Variants in ADGRA3 observed in about 807,000 individuals in gnomAD.
ADGRA3 encodes the protein adhesion G protein-coupled receptor A3, also known as G-protein coupled receptor 125.
ADGRA3 carries 56 observed loss-of-function variants against 119.8 expected under a neutral mutation model. That is an observed-to-expected ratio of 0.47 (90% CI 0.38 to 0.58). ADGRA3 has a LOEUF of 0.58. Among genes scored for constraint, ADGRA3 ranks in the 20% least tolerant of loss-of-function variants. The probability of loss-of-function intolerance (pLI) is 0.00; values close to 1 mark genes in which losing one functional copy is unlikely to be tolerated. For synonymous variants in ADGRA3, 607 were observed against 623.8 expected, an observed-to-expected ratio of 0.97 and a Z score of 0.40; for missense variants, 1,516 against 1,649.0, an observed-to-expected ratio of 0.92 and a Z score of 1.40.
intron 10 of ADGRA3, among the ~76,000 whole-genome samples, chr4:22,424,610 G>T (rs1715857977): frequency 6.6e-6 from 1 of 152,152 alleles, no homozygotes; most frequent in African/African-American, 2.4e-5. Flanking sequence ...ACTGCCAGGT[G>T]TTATCTCAAA....
chr4:22,491,001 G>A (rs149063687), intron 1 of ADGRA3, among the ~76,000 whole-genome samples: 1 of 152,258 alleles, frequency 6.6e-6, no homozygotes, highest in Non-Finnish European at 1.5e-5. Flanking sequence ...ATGGATCAAG[G>A]GAGGGAGGGA....
intron 7 of ADGRA3, among the ~76,000 whole-genome samples, chr4:22,439,564 G>A (rs1423283165): frequency 3.3e-5 from 5 of 152,068 alleles, no homozygotes; most frequent in East Asian, 1.9e-4. Context: ...AATCATTGAC[G>A]GCTACAGCAA....
chr4:22,493,931 G>A (rs891198891), intron 1 of ADGRA3, among the ~76,000 whole-genome samples: 12 of 152,044 alleles, frequency 7.9e-5, no homozygotes, highest in African/African-American at 1.4e-4. Flanking sequence ...TGGGCCAGGC[G>A]CGGTGGCTCA....
At chr4:22,477,164 C>G (rs964781726) in intron 1 of ADGRA3, among the ~76,000 whole-genome samples, 1 of 152,036 alleles carries the variant, frequency 6.6e-6, no homozygotes, top group Non-Finnish European at 1.5e-5. Context: ...GATTAAAGAG[C>G]CACATTTATT....
At chr4:22,508,375 T>C (rs953738117) in intron 1 of ADGRA3, among the ~76,000 whole-genome samples, 6 of 152,188 alleles carry the variant, frequency 3.9e-5, no homozygotes, top group African/African-American at 1.2e-4. Context: ...ATGTAGACTT[T>C]GGTGAAGCAA....
intron 1 of ADGRA3, among the ~76,000 whole-genome samples, chr4:22,479,153 G>A (rs1158360027): frequency 6.6e-6 from 1 of 152,132 alleles, no homozygotes; most frequent in Non-Finnish European, 1.5e-5. Flanking sequence ...TCTCACACCA[G>A]TTAGAATGGT....
At chr4:22,475,032 T>C (rs114571527) in intron 1 of ADGRA3, among the ~76,000 whole-genome samples, 1,943 of 152,330 alleles carry the variant, frequency 0.013, 48 homozygotes, top group African/African-American at 0.044. Flanking sequence ...TGGCATCTGA[T>C]TTTCTTTTAT....
intron 12 of ADGRA3, among the ~76,000 whole-genome samples, chr4:22,417,565 T>A (rs2109029557): frequency 6.6e-6 from 1 of 152,264 alleles, no homozygotes; most frequent in East Asian, 1.9e-4. Flanking sequence ...GTTGCCCACA[T>A]TTGCACAGCT....
chr4:22,454,714 T>A, intron 4 of ADGRA3, 152 bp downstream of exon 4: 2 of 638,258 alleles, frequency 3.1e-6, no homozygotes, highest in Non-Finnish European at 5.6e-6. Flanking sequence ...GGAGATTACA[T>A]CCCCATGATT....
At chr4:22,411,031 G>A (rs914648465) in intron 14 of ADGRA3, among the ~76,000 whole-genome samples, 2 of 152,182 alleles carry the variant, frequency 1.3e-5, no homozygotes, top group African/African-American at 2.4e-5. Context: ...AGAACAGCTA[G>A]GAAGTTCACA....
At chr4:22,395,015 T>C (rs778297054) in intron 16 of ADGRA3, 2 of 152,186 alleles carry the variant, frequency 1.3e-5, no homozygotes, top group Non-Finnish European at 1.5e-5. Flanking sequence ...TTTGTCTACA[T>C]GAAATACAAC....
chr4:22,447,831 T>G (rs773282986), intron 4 of ADGRA3, among the ~76,000 whole-genome samples: 6 of 152,158 alleles, frequency 3.9e-5, no homozygotes, highest in Non-Finnish European at 8.8e-5. Context: ...AAGGGTTCAC[T>G]CACATCTAAT....
At position 22,389,155 on chromosome 4, in the gene ADGRA3, TG is replaced by T. The variant is rs748758402; in HGVS notation, c.2655del (p.Ile886SerfsTer6). The T allele has an allele frequency of 6.2e-7, 1 of 1,613,890 alleles. No individual in the cohort carries two copies. Among genetic ancestry groups the T allele is most frequent in the East Asian group, 2.2e-5 (1 of 44,872 alleles). The part of the protein sequence containing the change: ...LRFYLIGGGI[P>X]IIVCGITAAA... ...GCTGCAGTTATGCCGCAAACAATGA[TG>T]GGGATACCACCACCAATCAGGTAAA... is the stretch of plus-strand genomic sequence containing the variant. On this transcript the variant is annotated frameshift_variant, in exon 18 of 19. Transcript: ENST00000334304. LOFTEE classifies it high-confidence loss of function.
intron 10 of ADGRA3, among the ~76,000 whole-genome samples, chr4:22,432,950 T>C (rs1321734421): frequency 6.6e-6 from 1 of 152,208 alleles, no homozygotes; most frequent in African/African-American, 2.4e-5. Flanking sequence ...GCTAGGTGCA[T>C]TTTAGGATAA....
chr4:22,484,103 T>C (rs921975848), intron 1 of ADGRA3, among the ~76,000 whole-genome samples: 27 of 152,188 alleles, frequency 1.8e-4, no homozygotes, highest in Admixed American at 1.4e-3. Context: ...ATTACTTTTA[T>C]GAAAAACTGT....
At chr4:22,397,714 A>C (rs1180325010) in intron 16 of ADGRA3, among the ~76,000 whole-genome samples, 1 of 151,946 alleles carries the variant, frequency 6.6e-6, no homozygotes, top group African/African-American at 2.4e-5. Context: ...CTTTCATGAG[A>C]TCTGATGGTT....
Position 22,433,651 on chromosome 4 carries a change from C to A in ADGRA3, c.1443+1660G>T, listed in dbSNP as rs188409587. Among the ~76,000 whole-genome samples, 23 of 152,304 alleles carry A rather than the reference C, an allele frequency of 1.5e-4. No individual in the cohort carries two copies. The East Asian group carries it at 4.2e-3, about 28-fold the overall frequency. The stretch of plus-strand genomic sequence containing the variant: ...GGAGGTGAGCAAAACAGGTTCACAT[C>A]ATAAACATGTATTCTTCGATGGCGA... On this transcript the variant is annotated intron_variant, in intron 10 of 18. Coordinates refer to ENST00000334304, the MANE Select transcript of ADGRA3 (RefSeq NM_145290.4).
At position 22,515,855 on chromosome 4, in the gene ADGRA3, G is replaced by A. The variant is rs943437193; in HGVS notation, c.-71C>T. The stretch of plus-strand genomic sequence containing the variant: ...GCGGGCCGCCCCGGAGCCCGGGCGG[G>A]CAGGAGCGCGGCGCGGGCCCAGCGG... On this transcript the variant is annotated 5_prime_UTR_variant, in exon 1 of 19. Coordinates refer to ENST00000334304, the MANE Select transcript of ADGRA3 (RefSeq NM_145290.4). 2.1e-6 allele frequency: 2 copies of A among 967,476 alleles called. No homozygotes were observed. Among genetic ancestry groups the A allele is most frequent in the Non-Finnish European group, 2.5e-6 (2 of 815,388 alleles). The allele number at this position is 967,476 out of a possible 1,614,324, so 59.9% of individuals were successfully genotyped here.
intron 14 of ADGRA3, among the ~76,000 whole-genome samples, chr4:22,410,747 T>C (rs61791986): frequency 0.045 from 6,869 of 152,234 alleles, 387 homozygotes; most frequent in African/African-American, 0.14. Context: ...TCATTAACTT[T>C]TTCTTTATGT....
Sources: gnomAD v4.1 joint callset for allele counts (sites outside exome capture counted in the v4.1 genomes callset) on GRCh38, gnomAD v4.1.1 for gene constraint, MANE v1.5 for transcripts, NCBI Gene and HGNC (gene_info 2026-07-23, HGNC 2026-07-21) for gene names.